AHR: variants seen among roughly 807,000 people sequenced by gnomAD.
The protein encoded by AHR is AH-receptor.
AHR carries 40 observed loss-of-function variants against 86.8 expected under a neutral mutation model. That is an observed-to-expected ratio of 0.46 (90% CI 0.36 to 0.60). The LOEUF (loss-of-function observed/expected upper bound fraction) is 0.60, where lower values mean the gene tolerates loss of function less well. AHR is among the 20% of genes least tolerant of loss of function. The probability of loss-of-function intolerance (pLI) is 0.00; values close to 1 mark genes in which losing one functional copy is unlikely to be tolerated. For missense variants in AHR, 1,001 were observed against 1,011.6 expected, an observed-to-expected ratio of 0.99 and a Z score of 0.14; for synonymous variants, 398 against 354.9, an observed-to-expected ratio of 1.12 and a Z score of -1.37.
intron 5 of AHR, 35 bp downstream of exon 5, chr7:17,330,110 G>C (rs1164423397): frequency 1.9e-6 from 3 of 1,593,742 alleles, no homozygotes; most frequent in Non-Finnish European, 1.7e-6. Flanking sequence ...AGTGTTGGTA[G>C]TTTTTAAATA....
At chr7:17,335,538 A>G (rs1782345921) in intron 8 of AHR, 107 bp from the exon 9 acceptor site, 4 of 889,814 alleles carry the variant, frequency 4.5e-6, no homozygotes, top group South Asian at 5.2e-5. Context: ...GTCTTTGGGG[A>G]TAAAGGAAAT....
In AHR at chr7:17,343,329, G is replaced by C; in HGVS notation, c.*265G>C. The C allele has an allele frequency of 2.5e-6, 1 of 401,230 alleles. No homozygotes were observed. The highest frequency in any genetic ancestry group is 4.4e-6 in the Non-Finnish European group (1 of 228,352). The allele number at this position is 401,230 out of a possible 1,614,324, so 24.9% of individuals were successfully genotyped here. On this transcript the variant is annotated 3_prime_UTR_variant, in exon 11 of 11. Transcript: ENST00000242057. ...TACCGTCTACATTTCACATTATTCT[G>C]GGCACCACAAAATATACAAAACTTT...
chr7:17,329,930 T>G, intron 4 of AHR, 22 bp from the exon 5 acceptor site: 1 of 1,591,710 alleles, frequency 6.3e-7, no homozygotes, highest in Non-Finnish European at 8.5e-7. Flanking sequence ...TTTGTTGTAT[T>G]CCTTGTATCT....
At chr7:17,317,175 A>G (rs1782124579) in intron 2 of AHR, among the ~76,000 whole-genome samples, 3 of 144,240 alleles carry the variant, frequency 2.1e-5, no homozygotes, top group Non-Finnish European at 4.5e-5. Flanking sequence ...ATTAATATCA[A>G]TTGAGAATCC....
intron 1 of AHR, among the ~76,000 whole-genome samples, chr7:17,300,781 C>T (rs1220584181): frequency 6.6e-6 from 1 of 152,032 alleles, no homozygotes; most frequent in Non-Finnish European, 1.5e-5. Flanking sequence ...AATGTCTGTT[C>T]TATGTGTTTA....
At position 17,298,675 on chromosome 7, in the gene AHR, G is replaced by C; in HGVS notation, c.-590G>C. 2.5e-6 allele frequency: 1 copy of C among 394,996 alleles called. No homozygotes were observed. Among genetic ancestry groups the C allele is most frequent in the Non-Finnish European group, 4.5e-6 (1 of 224,148 alleles). 24.5% of individuals were successfully genotyped at this position (394,996 alleles called of 1,614,324 possible). A position where few individuals can be genotyped will look rare whatever the true frequency, so the allele number is the denominator to read the frequency against. Reference sequence around the variant, plus strand: ...GCAGTGGCTGGGGAGTCCCGTCGACGCTCTGTTCCGAGAGCGTGCCCCGGA... The same window carrying C: ...GCAGTGGCTGGGGAGTCCCGTCGACCCTCTGTTCCGAGAGCGTGCCCCGGA... On this transcript the variant is annotated 5_prime_UTR_variant, in exon 1 of 11. Transcript: ENST00000242057.
chr7:17,313,091 T>C (rs749741513), intron 2 of AHR, among the ~76,000 whole-genome samples: 1 of 152,118 alleles, frequency 6.6e-6, no homozygotes, highest in Non-Finnish European at 1.5e-5. Flanking sequence ...GATTGTTTGA[T>C]ACAGAAACAT....
chr7:17,329,899 C>T, intron 4 of AHR, 53 bp from the exon 5 acceptor site: 2 of 1,504,872 alleles, frequency 1.3e-6, no homozygotes, highest in Admixed American at 4.0e-5. Flanking sequence ...ATTAATTTAG[C>T]CATATTTTTT....
intron 2 of AHR, among the ~76,000 whole-genome samples, chr7:17,320,530 T>C (rs1227558168): frequency 6.6e-6 from 1 of 152,136 alleles, no homozygotes; most frequent in East Asian, 1.9e-4. Flanking sequence ...TTTAGGCTTA[T>C]TTCATAATGT....
chr7:17,323,246 A>G (rs896348436), intron 3 of AHR, among the ~76,000 whole-genome samples: 1 of 152,142 alleles, frequency 6.6e-6, no homozygotes, highest in Non-Finnish European at 1.5e-5. Flanking sequence ...TATGGAATGT[A>G]TCTCTATTAA....
intron 1 of AHR, among the ~76,000 whole-genome samples, chr7:17,306,552 C>G (rs192987143): frequency 6.6e-6 from 1 of 151,530 alleles, no homozygotes; most frequent in Non-Finnish European, 1.5e-5. Flanking sequence ...GGTTTTTTTC[C>G]GTCTATCATT....
Position 17,345,915 on chromosome 7 carries a change from A to G in AHR, c.*2851A>G, listed in dbSNP as rs914741254. 1 of 152,742 alleles carries G rather than the reference A, an allele frequency of 6.5e-6. No homozygotes were observed. The highest frequency in any genetic ancestry group is 1.5e-5 in the Non-Finnish European group (1 of 68,026). 9.5% of individuals were successfully genotyped at this position (152,742 alleles called of 1,614,324 possible). The stretch of plus-strand genomic sequence containing the variant: ...TTTTCCTGTACCAGGTTTTTCTTAC[A>G]ATACCTGAAGACTTACCAGTATTCT... On this transcript the variant is annotated 3_prime_UTR_variant, in exon 11 of 11. Transcript: ENST00000242057.
In AHR at chr7:17,320,578, T is replaced by C. The variant is rs372203275; in HGVS notation, c.254-1923T>C. Among the ~76,000 whole-genome samples, 8 of 152,122 alleles carry C rather than the reference T, an allele frequency of 5.3e-5. No individual in the cohort carries two copies. In the East Asian group the frequency reaches 1.5e-3, roughly 29 times the overall value. ...TTGTTGTTTTCTTTTTAAAAGCAAG[T>C]GTTACTGATGCTTCATACCAGAGCT... On this transcript the variant is annotated intron_variant, in intron 2 of 10. Coordinates refer to ENST00000242057, the MANE Select transcript of AHR (RefSeq NM_001621.5).
At chr7:17,334,162 T>C in intron 7 of AHR, 48 bp downstream of exon 7, 1 of 1,489,320 alleles carries the variant, frequency 6.7e-7, no homozygotes, top group Non-Finnish European at 9.3e-7. Context: ...ACATTATGTT[T>C]CAGTAAGTCT....
rs1409573398 is a variant in AHR at position 17,344,501 on chromosome 7, C to T, written c.*1437C>T. The T allele has an allele frequency of 3.3e-5, 5 of 151,930 alleles. No homozygotes were observed. Among genetic ancestry groups the T allele is most frequent in the Admixed American group, 3.3e-4 (5 of 15,196 alleles). The allele number at this position is 151,930 out of a possible 1,614,324, so 9.4% of individuals were successfully genotyped here. The stretch of plus-strand genomic sequence containing the variant: ...TTAATAAAAAGACAACCACATAGTT[C>T]GTTTACCTTCAAACTTTAGGTTTTT... On this transcript the variant is annotated 3_prime_UTR_variant, in exon 11 of 11. Transcript: ENST00000242057.
chr7:17,336,689 G>GT (rs1295468556), intron 9 of AHR, among the ~76,000 whole-genome samples: 1 of 152,136 alleles, frequency 6.6e-6, no homozygotes, highest in East Asian at 1.9e-4. Flanking sequence ...GTATGTATGT[G>GT]TATAAGTACC....
chr7:17,302,940 C>T (rs989320375), intron 1 of AHR, among the ~76,000 whole-genome samples: 2 of 151,860 alleles, frequency 1.3e-5, no homozygotes, highest in East Asian at 1.9e-4. Context: ...AGGCAGTATA[C>T]GATTATGTTC....
rs374810935 is a variant in AHR at position 17,339,621 on chromosome 7, A to G, written c.1796A>G (p.Tyr599Cys). 5.9e-5 allele frequency: 96 copies of G among 1,614,012 alleles called. No homozygotes were observed. The highest frequency in any genetic ancestry group is 7.5e-5 in the Non-Finnish European group (88 of 1,180,052). Residue 599 changes from tyrosine (Y) to cysteine (C), a missense_variant, in exon 10 of 11, where the codon TAT becomes TGT. Coordinates refer to ENST00000242057, the MANE Select transcript of AHR (RefSeq NM_001621.5). ...LSKSPFIPSD[Y>C]QQQQSLALNS... ...AAGTCTCCCTTCATACCTTCAGATT[A>G]TCAACAGCAACAGTCCTTGGCTCTG...
At position 17,333,954 on chromosome 7, in the gene AHR, A is replaced by T; in HGVS notation, c.748A>T (p.Lys250Ter). Residue 250 changes from lysine (K) to a stop codon, truncating the protein, a stop_gained, in exon 7 of 11, where the codon AAA (lysine) becomes TAA (stop). Coordinates refer to ENST00000242057, the MANE Select transcript of AHR (RefSeq NM_001621.5). LOFTEE classifies it high-confidence loss of function. ...QGKLKYLHGQ[K>*]KKGKDGSILP... ...GAAGTTAAAGTATCTTCATGGACAG[A>T]AAAAGAAAGGGAAAGATGGATCAAT... 6.2e-7 allele frequency: 1 copy of T among 1,613,424 alleles called. No homozygotes were observed. The highest frequency in any genetic ancestry group is 8.5e-7 in the Non-Finnish European group (1 of 1,179,480).
Sources: gnomAD v4.1 joint callset for allele counts (sites outside exome capture counted in the v4.1 genomes callset) on GRCh38, gnomAD v4.1.1 for gene constraint, MANE v1.5 for transcripts, NCBI Gene and HGNC (gene_info 2026-07-23, HGNC 2026-07-21) for gene names.